ULK4: variants seen among roughly 807,000 people sequenced by gnomAD.
ULK4 encodes unc-51 like kinase 4.
In ULK4, 133 loss-of-function variants were observed where a neutral mutation model predicts 160.6. The ratio of observed to expected loss-of-function variants is 0.83; its 90% CI spans 0.72 to 0.96. The LOEUF (loss-of-function observed/expected upper bound fraction) is 0.96, where lower values mean the gene tolerates loss of function less well. Ranked by LOEUF, ULK4 falls within the 40% of genes least tolerant of loss-of-function variation. The probability of loss-of-function intolerance (pLI) is 0.00; values close to 1 mark genes in which losing one functional copy is unlikely to be tolerated. For missense variants in ULK4, 1,580 were observed against 1,499.5 expected (o/e 1.05, Z -0.89); for synonymous variants, 534 against 539.8 (o/e 0.99, Z 0.15).
chr3:41,610,961 T>C (rs1403575504), intron 31 of ULK4, among the ~76,000 whole-genome samples: 1 of 152,122 alleles, frequency 6.6e-6, no homozygotes, highest in Non-Finnish European at 1.5e-5. Context: ...TATAGCAAAC[T>C]CCAAAGGCTG....
intron 21 of ULK4, among the ~76,000 whole-genome samples, chr3:41,765,734 C>A (rs931586448): frequency 2.0e-5 from 3 of 152,086 alleles, no homozygotes; most frequent in East Asian, 3.9e-4. Context: ...GTGGAGGAAG[C>A]AATCTTATAA....
intron 32 of ULK4, among the ~76,000 whole-genome samples, chr3:41,471,721 C>T (rs1359912570): frequency 6.6e-6 from 1 of 151,402 alleles, no homozygotes; most frequent in Admixed American, 6.6e-5. Context: ...GGAAAATTGA[C>T]AAATACATGA....
At chr3:41,920,119 C>T (rs371236243) in intron 5 of ULK4, among the ~76,000 whole-genome samples, 2 of 152,226 alleles carry the variant, frequency 1.3e-5, no homozygotes, top group African/African-American at 4.8e-5. Flanking sequence ...ATAACAACCC[C>T]AACATCCCAC....
chr3:41,953,304 ATT>A (rs60007502), intron 2 of ULK4, among the ~76,000 whole-genome samples: 102 of 124,790 alleles, frequency 8.2e-4, no homozygotes, highest in African/African-American at 2.9e-3. Context: ...ATATATATAT[ATT>A]TTTTTTTTTT....
chr3:41,757,800 TGTATTTTTA>T (rs1231885536), intron 21 of ULK4, among the ~76,000 whole-genome samples: 4 of 151,880 alleles, frequency 2.6e-5, no homozygotes. Flanking sequence ...GCTAATTTTT[TGTATTTTTA>T]GTAGAGACAG....
chr3:41,515,650 T>C (rs928731464), intron 32 of ULK4, among the ~76,000 whole-genome samples: 1 of 152,040 alleles, frequency 6.6e-6, no homozygotes, highest in African/African-American at 2.4e-5. Flanking sequence ...GGAGTGCCAG[T>C]AGGGGAAACG....
At chr3:41,836,994 T>C (rs2041778841) in intron 17 of ULK4, among the ~76,000 whole-genome samples, 1 of 152,218 alleles carries the variant, frequency 6.6e-6, no homozygotes. Context: ...TCAATGTGAC[T>C]CAAAGTGTGG....
intron 31 of ULK4, among the ~76,000 whole-genome samples, chr3:41,611,808 C>T (rs1358789844): frequency 3.3e-5 from 5 of 152,042 alleles, no homozygotes; most frequent in African/African-American, 9.7e-5. Context: ...AAATTATTTG[C>T]AAAGCCAAAC....
At chr3:41,435,448 A>T (rs547354659) in intron 34 of ULK4, among the ~76,000 whole-genome samples, 1 of 152,370 alleles carries the variant, frequency 6.6e-6, no homozygotes, top group South Asian at 2.1e-4. Context: ...GTTTCTAGGA[A>T]GGATGGTTAA....
chr3:41,464,756 G>A (rs1212951364), intron 32 of ULK4, among the ~76,000 whole-genome samples: 2 of 152,156 alleles, frequency 1.3e-5, no homozygotes, highest in Non-Finnish European at 2.9e-5. Context: ...AGGTAAAAGG[G>A]GTAAGTACTG....
At chr3:41,632,536 A>G (rs1330295468) in intron 30 of ULK4, among the ~76,000 whole-genome samples, 1 of 152,160 alleles carries the variant, frequency 6.6e-6, no homozygotes, top group Non-Finnish European at 1.5e-5. Context: ...GGTATCATAA[A>G]TGCTAGGATA....
intron 21 of ULK4, 61 bp from the exon 22 acceptor site, chr3:41,754,549 C>T: frequency 1.3e-6 from 2 of 1,550,008 alleles, no homozygotes; most frequent in East Asian, 2.3e-5. Flanking sequence ...AGTCTCAATT[C>T]TCAGAGTGAA....
chr3:41,630,528 T>C (rs148063160), intron 30 of ULK4, among the ~76,000 whole-genome samples: 112 of 152,322 alleles, frequency 7.4e-4, no homozygotes, highest in Middle Eastern at 3.4e-3. Context: ...CTAGACCACA[T>C]TTAAAGGGCT....
At chr3:41,721,358 A>ATTTTT (rs1412977001) in intron 22 of ULK4, among the ~76,000 whole-genome samples, 2 of 61,248 alleles carry the variant, frequency 3.3e-5, no homozygotes, top group African/African-American at 1.9e-4. Flanking sequence ...ATATATATAT[A>ATTTTT]TATATTTTTT....
rs556382479 is a variant in ULK4, at chr3:41,752,295, C to T, written c.2321+2066G>A. Among the ~76,000 whole-genome samples the T allele has an allele frequency of 4.1e-4, 63 of 152,040 alleles. 1 individual carries two copies. The highest frequency in any genetic ancestry group is 7.1e-4 in the Non-Finnish European group (48 of 68,008). Reference sequence around the variant, plus strand: ...TGTTCCAGTGAAAAATGATGGTAAACGCAAAGACAAATCAGAGGTAGCAAA... The same window carrying T: ...TGTTCCAGTGAAAAATGATGGTAAATGCAAAGACAAATCAGAGGTAGCAAA... On this transcript the variant is annotated intron_variant, in intron 22 of 36. Coordinates refer to ENST00000301831, the MANE Select transcript of ULK4 (RefSeq NM_017886.4).
intron 17 of ULK4, among the ~76,000 whole-genome samples, chr3:41,874,868 T>C (rs1258029421): frequency 6.6e-6 from 1 of 152,142 alleles, no homozygotes; most frequent in African/African-American, 2.4e-5. Context: ...AAAATATATA[T>C]TAAAAACATA....
intron 2 of ULK4, among the ~76,000 whole-genome samples, chr3:41,950,091 C>CTT (rs561321352): frequency 6.2e-5 from 9 of 144,506 alleles, no homozygotes; most frequent in African/African-American, 2.3e-4. Flanking sequence ...TTTTATTTTT[C>CTT]TTTTTTTTTT....
chr3:41,953,805 C>T (rs1323565858), intron 2 of ULK4, among the ~76,000 whole-genome samples: 2 of 152,038 alleles, frequency 1.3e-5, no homozygotes, highest in East Asian at 1.9e-4. Flanking sequence ...CCCAACACTT[C>T]GGGAGGCTGA....
intron 22 of ULK4, among the ~76,000 whole-genome samples, chr3:41,743,419 C>CT (rs1256455850): frequency 2.0e-5 from 3 of 151,326 alleles, no homozygotes; most frequent in South Asian, 4.2e-4. Flanking sequence ...AAAAAGTAAC[C>CT]TTTTTTTCCA....
Sources: allele counts gnomAD v4.1 joint callset (sites outside exome capture counted in the v4.1 genomes callset), GRCh38; gene constraint gnomAD v4.1.1; transcripts MANE v1.5; gene names NCBI Gene and HGNC (gene_info 2026-07-23, HGNC 2026-07-21).